Variants in PCDH11X observed in about 807,000 individuals in gnomAD.
PCDH11X encodes the protein protocadherin-11 X-linked.
In PCDH11X, 18 loss-of-function variants were observed where a neutral mutation model predicts 53.3. That is an observed-to-expected ratio of 0.34 (90% confidence interval 0.23 to 0.50). PCDH11X has a LOEUF of 0.50. Ranked by LOEUF, PCDH11X falls within the 20% of genes least tolerant of loss-of-function variation. The pLI, the probability that PCDH11X is intolerant of heterozygous loss-of-function variation, is 0.98. For synonymous variants in PCDH11X, 279 were observed against 393.3 expected (o/e 0.71, Z 3.44); for missense variants, 570 against 1,032.4 (o/e 0.55, Z 6.14).
intron 5 of PCDH11X, among the ~76,000 whole-genome samples, chrX:91,847,207 T>A (rs1937727677): frequency 9.1e-6 from 1 of 110,156 alleles, no homozygotes; most frequent in Non-Finnish European, 1.9e-5. Context: ...CAGGCTGGAG[T>A]GTAGTGGCTT....
At chrX:92,007,861 G>A (rs779376869) in intron 6 of PCDH11X, among the ~76,000 whole-genome samples, 1 of 111,120 alleles carries the variant, frequency 9.0e-6, no homozygotes, top group African/African-American at 3.3e-5. Flanking sequence ...GTTAGCAGAC[G>A]ATAAAAGCTG....
chrX:91,901,713 C>G (rs897135590), intron 6 of PCDH11X, among the ~76,000 whole-genome samples: 1 of 111,399 alleles, frequency 9.0e-6, no homozygotes, highest in African/African-American at 3.3e-5. Flanking sequence ...GGATATCTTA[C>G]AAAGATAACT....
intron 5 of PCDH11X, among the ~76,000 whole-genome samples, chrX:91,873,160 T>A (rs997356657): frequency 9.2e-6 from 1 of 108,575 alleles, no homozygotes; most frequent in Non-Finnish European, 1.9e-5. Flanking sequence ...GGGTTATGCA[T>A]GCAATCACCT....
chrX:92,261,051 T>A (rs6652292), intron 7 of PCDH11X, among the ~76,000 whole-genome samples: 13,071 of 110,627 alleles, frequency 0.12, 1,217 homozygotes, highest in African/African-American at 0.3. Context: ...TTTCATCATG[T>A]TTTTTCCCCT....
intron 7 of PCDH11X, among the ~76,000 whole-genome samples, chrX:92,243,206 G>A (rs946117964): frequency 1.4e-4 from 16 of 110,978 alleles, no homozygotes; most frequent in African/African-American, 4.6e-4. Flanking sequence ...TTTTGTAGAC[G>A]TTTTATAATT....
intron 6 of PCDH11X, among the ~76,000 whole-genome samples, chrX:92,017,775 C>T (rs1235916230): frequency 5.7e-4 from 54 of 95,117 alleles, no homozygotes; most frequent in African/African-American, 1.9e-3. Flanking sequence ...CAAAAAGTGA[C>T]ATAGAGACAC....
chrX:92,231,271 A>C (rs1466743913), intron 7 of PCDH11X, among the ~76,000 whole-genome samples: 2 of 111,478 alleles, frequency 1.8e-5, no homozygotes, highest in African/African-American at 6.5e-5. Context: ...ATTAGAAATA[A>C]GCTCTTTTTT....
chrX:91,846,039 T>C (rs1258102310), intron 5 of PCDH11X, among the ~76,000 whole-genome samples: 1 of 111,314 alleles, frequency 9.0e-6, no homozygotes, highest in Non-Finnish European at 1.9e-5. Context: ...TCTGGTGTTC[T>C]ACAATCTAGA....
chrX:92,558,018 T>C (rs1010544062), intron 10 of PCDH11X, among the ~76,000 whole-genome samples: 6 of 111,120 alleles, frequency 5.4e-5, no homozygotes, highest in African/African-American at 2.0e-4. Flanking sequence ...TCAGATCTTG[T>C]GAGAACTCAC....
At chrX:91,884,213 GA>G (rs1307700478) in intron 6 of PCDH11X, among the ~76,000 whole-genome samples, 7 of 86,263 alleles carry the variant, frequency 8.1e-5, no homozygotes, top group African/African-American at 1.3e-4. Flanking sequence ...AAAAAAAAAA[GA>G]AAAAAAGTTA....
At chrX:92,506,216 C>CTTTTTTCT (rs2074055575) in intron 10 of PCDH11X, among the ~76,000 whole-genome samples, 2 of 40,203 alleles carry the variant, frequency 5.0e-5, no homozygotes, top group Admixed American at 4.1e-4. Flanking sequence ...CTTTTCTTTT[C>CTTTTTTCT]TTTTTTTTTT....
At chrX:92,481,047 C>T (rs1223619213) in intron 10 of PCDH11X, among the ~76,000 whole-genome samples, 4 of 110,664 alleles carry the variant, frequency 3.6e-5, no homozygotes, top group African/African-American at 1.3e-4. Context: ...AGGTGCAGGT[C>T]TTTGTGCACC....
At chrX:92,585,102 T>C (rs953462519) in intron 10 of PCDH11X, among the ~76,000 whole-genome samples, 7 of 110,222 alleles carry the variant, frequency 6.4e-5, no homozygotes, top group Non-Finnish European at 1.1e-4. Context: ...CAAAGTGCAG[T>C]CAGCACTGTA....
intron 9 of PCDH11X, among the ~76,000 whole-genome samples, chrX:92,388,184 C>A (rs866093795): frequency 7.2e-5 from 8 of 111,223 alleles, no homozygotes; most frequent in African/African-American, 2.6e-4. Flanking sequence ...TAGAATTTTC[C>A]ATTTATGTAC....
chrX:92,611,826 C>T (rs2750717), intron 10 of PCDH11X, among the ~76,000 whole-genome samples: 17,971 of 100,540 alleles, frequency 0.18, 1,943 homozygotes, highest in African/African-American at 0.24. Context: ...TCTGTGTCTA[C>T]TGAGATGATC....
chrX:92,377,346 T>C (rs1404303952), intron 8 of PCDH11X, among the ~76,000 whole-genome samples: 4 of 110,330 alleles, frequency 3.6e-5, no homozygotes, highest in African/African-American at 1.3e-4. Flanking sequence ...TATAGAGCTC[T>C]TAAGCACAAA....
At chrX:92,304,453 A>G (rs1321713748) in intron 8 of PCDH11X, among the ~76,000 whole-genome samples, 1 of 111,776 alleles carries the variant, frequency 8.9e-6, no homozygotes, top group Non-Finnish European at 1.9e-5. Context: ...TACAAGAACC[A>G]CTCAATGATA....
intron 8 of PCDH11X, among the ~76,000 whole-genome samples, chrX:92,315,284 AG>A (rs754150548): frequency 2.7e-5 from 3 of 112,382 alleles, no homozygotes; most frequent in Admixed American, 9.4e-5. Flanking sequence ...AGTGCACTGG[AG>A]GATTGGCATC....
Position 91,865,855 on chromosome X carries a change from TGTG to T in PCDH11X, c.541-10922_541-10920del, listed in dbSNP as rs1445584279. On this transcript the variant is annotated intron_variant, in intron 5 of 10. Coordinates refer to ENST00000682573, the MANE Select transcript of PCDH11X (RefSeq NM_032968.5). ...AGACCCAAAGGCTCTTAAGTCAGCT[TGTG>T]GTGATTGCTGCCTGGCATGGGACTC... 4.5e-5 allele frequency among the ~76,000 whole-genome samples: 5 copies of T among 111,368 alleles called. No individual in the cohort carries two copies. The Admixed American group carries it at 4.8e-4, about 11-fold the overall frequency.
Sources: allele counts gnomAD v4.1 joint callset (sites outside exome capture counted in the v4.1 genomes callset), GRCh38; gene constraint gnomAD v4.1.1; transcripts MANE v1.5; gene names NCBI Gene and HGNC (gene_info 2026-07-23, HGNC 2026-07-21).